Variants in MOV10 observed in about 807,000 individuals in gnomAD.
MOV10 encodes Mov10 RNA helicase.
A neutral mutation model predicts 108.4 loss-of-function variants in MOV10; 39 were observed. The observed-to-expected ratio is 0.36, with a 90% CI of 0.28 to 0.47. MOV10 has a LOEUF of 0.47. Among genes scored for constraint, MOV10 ranks in the 20% least tolerant of loss-of-function variants. MOV10 has a pLI of 1.00. For synonymous variants in MOV10, 490 were observed against 523.1 expected (o/e 0.94, Z 0.86); for missense variants, 952 against 1,297.6 (o/e 0.73, Z 4.09).
chr1:112,699,932 C>G lies in MOV10; in HGVS notation c.2748C>G (p.Leu916=), dbSNP rs769801772. 1 of 1,614,206 alleles carries G rather than the reference C, an allele frequency of 6.2e-7. No individual in the cohort carries two copies. ...CTGTGACCCGGGCCAAGGCCCTGCT[C>G]ATCATCGTGGGGAACCCCCTTCTCC... ...NVAVTRAKAL[L]IIVGNPLLLG... is the part of the protein sequence containing the mutation. The change falls in exon 19 of 21, where the codon CTC becomes CTG. Residue 916 remains leucine, a synonymous_variant. Transcript: ENST00000369645.
chr1:112,676,478 T>C (rs988608056), intron 2 of MOV10, among the ~76,000 whole-genome samples: 9 of 152,202 alleles, frequency 5.9e-5, no homozygotes, highest in Non-Finnish European at 1.5e-5. Flanking sequence ...TAAGGCTGAC[T>C]TGACTCAAGG....
Position 112,674,722 on chromosome 1 carries a change from A to G in MOV10, c.-73A>G. 1.9e-6 allele frequency: 1 copy of G among 525,246 alleles called. No homozygotes were observed. Among genetic ancestry groups the G allele is most frequent in the South Asian group, 2.6e-5 (1 of 38,206 alleles). 32.5% of individuals were successfully genotyped at this position (525,246 alleles called of 1,614,324 possible). A position where few individuals can be genotyped will look rare whatever the true frequency, so the allele number is the denominator to read the frequency against. ...GGATAGGACGAAGAAACCGAAGGGA[A>G]AGCTCAGGTAAGAAAAGAACGGAGG... On this transcript the variant is annotated 5_prime_UTR_variant, in exon 1 of 21. Transcript: ENST00000369645.
At position 112,698,495 on chromosome 1, in the gene MOV10, C is replaced by A; in HGVS notation, c.2508+17C>A. The A allele has an allele frequency of 6.2e-7, 1 of 1,611,550 alleles. No individual in the cohort carries two copies. Among genetic ancestry groups the A allele is most frequent in the Non-Finnish European group, 8.5e-7 (1 of 1,178,912 alleles). On this transcript the variant is annotated intron_variant, in intron 16 of 20. Coordinates refer to ENST00000369645, the MANE Select transcript of MOV10 (RefSeq NM_001321324.2). ...CGGAAACAGGTCAGGTCCTCAGTTA[C>A]CAGCAAGGGTGGGGCCCCTCCCCCA...
In MOV10 at chr1:112,694,320, T is replaced by A; in HGVS notation, c.1296-133T>A. On this transcript the variant is annotated intron_variant, in intron 8 of 20. Transcript: ENST00000369645. This position sits in a 1 kb window ranked among gnomAD's most constrained non-coding sequence, Gnocchi z 4.1. Reference sequence around the variant, plus strand: ...GGGTACCCTGAGATGCTACGGCAGCTTCCTCTTCTAGAGAACTTGCATAGA... The same window carrying A: ...GGGTACCCTGAGATGCTACGGCAGCATCCTCTTCTAGAGAACTTGCATAGA... 7.1e-7 allele frequency: 1 copy of A among 1,413,788 alleles called. No individual in the cohort carries two copies. Among genetic ancestry groups the A allele is most frequent in the Non-Finnish European group, 9.8e-7 (1 of 1,019,242 alleles). The allele number at this position is 1,413,788 out of a possible 1,614,324, so 87.6% of individuals were successfully genotyped here.
At position 112,692,856 on chromosome 1, in the gene MOV10, G is replaced by T; in HGVS notation, c.1067G>T (p.Arg356Leu). 6.2e-7 allele frequency: 1 copy of T among 1,613,910 alleles called. No individual in the cohort carries two copies. Among genetic ancestry groups the T allele is most frequent in the South Asian group, 1.1e-5 (1 of 91,018 alleles). Residue 356 changes from arginine (R) to leucine (L), a missense_variant, in exon 7 of 21, where the codon CGG (arginine) becomes CTG (leucine). By Grantham distance (102) the Arg-to-Leu change is moderately radical. Coordinates refer to ENST00000369645, the MANE Select transcript of MOV10 (RefSeq NM_001321324.2). ...GAACTGCAGATGGAGCATGATATCC[G>T]GCACTATGACCTGGAGTCGGTGCCC... ...LEELQMEHDIRHYDLESVPMT... is the reference protein window; with the variant it reads ...LEELQMEHDILHYDLESVPMT...
chr1:112,680,599 T>A (rs1432097840), intron 2 of MOV10, among the ~76,000 whole-genome samples: 1 of 123,020 alleles, frequency 8.1e-6, no homozygotes, highest in Non-Finnish European at 1.6e-5. Context: ...GAGCTTGCAG[T>A]GAGCCGAGAT....
intron 7 of MOV10, chr1:112,693,706 C>G (rs549572419): frequency 5.8e-6 from 1 of 171,100 alleles, no homozygotes. Flanking sequence ...TTTTAGCAAC[C>G]CGATTAACTG....
rs1256034025 is a variant in MOV10, at chr1:112,689,442, T to A, written c.369T>A (p.Gly123=). The A allele has an allele frequency of 7.3e-7, 1 of 1,362,826 alleles. No individual in the cohort carries two copies. Among genetic ancestry groups the A allele is most frequent in the Non-Finnish European group, 9.8e-7 (1 of 1,023,462 alleles). 84.4% of individuals were successfully genotyped at this position (1,362,826 alleles called of 1,614,324 possible). ...DRAEYLHGKH[G]VDVEVQGPHE... ...CTGAGTATCTTCATGGGAAACATGG[T>A]GTGGATGTGGAAGTCCAGGGGCCCC... is the stretch of plus-strand genomic sequence containing the variant. The change falls in exon 4 of 21, where the codon GGT becomes GGA. Residue 123 remains glycine, a synonymous_variant. Transcript: ENST00000369645.
intron 17 of MOV10, chr1:112,699,332 C>A (rs1312549626): frequency 4.8e-6 from 2 of 420,002 alleles, no homozygotes; most frequent in Non-Finnish European, 7.1e-6. Context: ...AAATTCTGAT[C>A]GGGGGTCCGG....
In MOV10 at chr1:112,675,058, C is replaced by T. The variant is rs1467168430; in HGVS notation, c.137+9C>T. ...CGCGACTTCAAGATCAGGTACGGGC[C>T]GGCCCACTCCCGGCCCCGAATCGCG... is the stretch of plus-strand genomic sequence containing the variant. On this transcript the variant is annotated intron_variant, in intron 2 of 20. Transcript: ENST00000369645. This position sits in a 1 kb window ranked among gnomAD's most constrained non-coding sequence, Gnocchi z 4.7. 3.8e-6 allele frequency: 6 copies of T among 1,585,122 alleles called. No individual in the cohort carries two copies. Among genetic ancestry groups the T allele is most frequent in the African/African-American group, 1.4e-5 (1 of 72,282 alleles).
chr1:112,687,284 T>C (rs1039149968), intron 2 of MOV10, among the ~76,000 whole-genome samples: 4 of 152,194 alleles, frequency 2.6e-5, no homozygotes, highest in Non-Finnish European at 5.9e-5. Context: ...TGTACCAGTC[T>C]CATTTGCTTG....
chr1:112,680,610 T>C (rs1239972475), intron 2 of MOV10, among the ~76,000 whole-genome samples: 1 of 133,534 alleles, frequency 7.5e-6, no homozygotes, highest in Non-Finnish European at 1.5e-5. Flanking sequence ...GAGCCGAGAT[T>C]GTACCACTGC....
chr1:112,688,696 G>A (rs1673288106), intron 2 of MOV10: 45 of 1,419,398 alleles, frequency 3.2e-5, no homozygotes, highest in Non-Finnish European at 4.0e-5. Context: ...GAACAATCCA[G>A]AACCCACTGT....
Position 112,675,048 on chromosome 1 carries a change from A to C in MOV10, c.136A>C (p.Ser46Arg). Residue 46 changes from serine (S) to arginine (R), a missense_variant and splice_region_variant, in exon 2 of 21, where the codon AGC becomes CGC. By Grantham distance (110) the Ser-to-Arg change is moderately radical (BLOSUM62 -1). This residue lies in a region of MOV10 where 374 missense variants were observed against 468.6 expected (regional missense o/e 0.80). Transcript: ENST00000369645. The surrounding 1 kb of genome is among the most constrained non-coding windows in gnomAD (Gnocchi z 4.7). ...CATTTATAACCGCGACTTCAAGATC[A>C]GGTACGGGCCGGCCCACTCCCGGCC... is the stretch of plus-strand genomic sequence containing the variant. The part of the protein sequence containing the change: ...RTIYNRDFKI[S>R]FGTPAPGFSS... The C allele has an allele frequency of 6.3e-7, 1 of 1,594,138 alleles. No individual in the cohort carries two copies. Among genetic ancestry groups the C allele is most frequent in the Non-Finnish European group, 8.5e-7 (1 of 1,170,988 alleles).
chr1:112,686,485 T>C (rs1412139177), intron 2 of MOV10, among the ~76,000 whole-genome samples: 1 of 152,152 alleles, frequency 6.6e-6, no homozygotes, highest in Non-Finnish European at 1.5e-5. Context: ...CCTCCCCGGG[T>C]TGTGCTAGTA....
rs1343304614 is a variant in MOV10 at position 112,689,446 on chromosome 1, G to A, written c.373G>A (p.Asp125Asn). 6.2e-7 allele frequency: 1 copy of A among 1,613,936 alleles called. No homozygotes were observed. Among genetic ancestry groups the A allele is most frequent in the Non-Finnish European group, 8.5e-7 (1 of 1,179,962 alleles). Residue 125 changes from aspartate to asparagine, a missense_variant, in exon 4 of 21, where the codon GAT (aspartate) becomes AAT (asparagine). Physicochemically the swap from Asp to Asn is conservative, Grantham distance 23 (BLOSUM62 1). Coordinates refer to ENST00000369645, the MANE Select transcript of MOV10 (RefSeq NM_001321324.2). ...GTATCTTCATGGGAAACATGGTGTG[G>A]ATGTGGAAGTCCAGGGGCCCCATGA... Reference protein sequence around the residue: ...AEYLHGKHGVDVEVQGPHEAR... With the variant: ...AEYLHGKHGVNVEVQGPHEAR...
At chr1:112,699,267 A>C in intron 17 of MOV10, 1 of 229,472 alleles carries the variant, frequency 4.4e-6, no homozygotes, top group Non-Finnish European at 8.4e-6. Context: ...AGGTGATTCT[A>C]ATATGCAGCC....
chr1:112,696,529 T>C lies in MOV10; in HGVS notation c.1976T>C (p.Ile659Thr). The change falls in exon 13 of 21, where the codon ATA becomes ACA. Residue 659 changes from isoleucine to threonine, a missense_variant. Ile to Thr is a moderately conservative substitution (Grantham distance 89). Around this residue, in one of 5 missense-constraint regions of MOV10, gnomAD observed 453 missense variants for 611.5 expected, o/e 0.74. Coordinates refer to ENST00000369645, the MANE Select transcript of MOV10 (RefSeq NM_001321324.2). ...HCMEPESLVA[I>T]AGLMEVKETG... is the part of the protein sequence containing the mutation. Reference sequence around the variant, plus strand: ...ATGGAGCCTGAGAGTCTGGTAGCTATAGCAGGTGAGGGACTCAGGTGGGGC... The same window carrying C: ...ATGGAGCCTGAGAGTCTGGTAGCTACAGCAGGTGAGGGACTCAGGTGGGGC... The C allele has an allele frequency of 6.2e-7, 1 of 1,613,616 alleles. No homozygotes were observed. The highest frequency in any genetic ancestry group is 8.5e-7 in the Non-Finnish European group (1 of 1,179,528).
intron 7 of MOV10, among the ~76,000 whole-genome samples, chr1:112,693,453 T>G (rs1249018118): frequency 1.3e-5 from 2 of 152,148 alleles, no homozygotes; most frequent in Non-Finnish European, 2.9e-5. Context: ...CTTGGCTCGC[T>G]TTAATCCCCG....
Sources: allele counts gnomAD v4.1 joint callset (sites outside exome capture counted in the v4.1 genomes callset), GRCh38; gene constraint gnomAD v4.1.1; regional missense constraint gnomAD v4.1.1; non-coding constraint Gnocchi (gnomAD v3.1); transcripts MANE v1.5; gene names NCBI Gene and HGNC (gene_info 2026-07-23, HGNC 2026-07-21).